The following BTBD9 variants were observed in gnomAD, a reference collection of about 807,000 sequenced individuals.
BTBD9 encodes BTB domain containing 9, also known as BTB/POZ domain-containing protein 9.
Under a neutral mutation model 64.3 loss-of-function variants are expected in BTBD9, and 49 were observed. That is an observed-to-expected ratio of 0.76 (90% confidence interval 0.61 to 0.97). BTBD9 has a LOEUF of 0.97. BTBD9 is among the 50% of genes least tolerant of loss of function. The pLI is 0.00. For missense variants in BTBD9, 598 were observed against 762.1 expected, an observed-to-expected ratio of 0.78 and a Z score of 2.53; for synonymous variants, 260 against 274.7, an observed-to-expected ratio of 0.95 and a Z score of 0.53.
intron 10 of BTBD9, among the ~76,000 whole-genome samples, chr6:38,177,089 C>G (rs978016586): frequency 1.3e-5 from 2 of 152,196 alleles, no homozygotes; most frequent in African/African-American, 4.8e-5. Context: ...CCTGCTGACA[C>G]AGGAGCTCTT....
At chr6:38,214,752 T>C (rs1582062166) in intron 9 of BTBD9, among the ~76,000 whole-genome samples, 2 of 152,208 alleles carry the variant, frequency 1.3e-5, no homozygotes, top group Non-Finnish European at 2.9e-5. Flanking sequence ...GCTTTGAATT[T>C]TGTTCATGCC....
chr6:38,462,429 T>G (rs181709525), intron 6 of BTBD9, among the ~76,000 whole-genome samples: 9 of 152,380 alleles, frequency 5.9e-5, no homozygotes, highest in Admixed American at 4.6e-4. Context: ...GAATTGCCTT[T>G]GCACCTTTGT....
intron 6 of BTBD9, chr6:38,504,551 A>G: frequency 2.2e-6 from 1 of 456,802 alleles, no homozygotes; most frequent in Non-Finnish European, 4.4e-6. Context: ...TGTATCATAG[A>G]TCTCTCATAA....
At chr6:38,190,536 G>A (rs1293065086) in intron 10 of BTBD9, among the ~76,000 whole-genome samples, 1 of 147,940 alleles carries the variant, frequency 6.8e-6, no homozygotes, top group South Asian at 2.1e-4. Context: ...TTTTTCCCCT[G>A]ATCAATAACT....
At position 38,192,502 on chromosome 6, in the gene BTBD9, T is replaced by C; in HGVS notation, c.1641+17A>G. 6.2e-7 allele frequency: 1 copy of C among 1,608,372 alleles called. No homozygotes were observed. The highest frequency in any genetic ancestry group is 8.5e-7 in the Non-Finnish European group (1 of 1,175,270). ...TCATGAAATCTCATGGCACCTCTCATGAAAAGAGACCCTTACCTCATTTGC... is the reference window on the plus strand; with the variant it reads ...TCATGAAATCTCATGGCACCTCTCACGAAAAGAGACCCTTACCTCATTTGC... On this transcript the variant is annotated intron_variant, in intron 10 of 10. Transcript: ENST00000481247.
At chr6:38,352,140 G>T (rs1764541071) in intron 6 of BTBD9, among the ~76,000 whole-genome samples, 1 of 152,048 alleles carries the variant, frequency 6.6e-6, no homozygotes, top group South Asian at 2.1e-4. Context: ...ACTTCAGGAG[G>T]CCAAGGTGGG....
At chr6:38,327,055 C>T (rs1362510492) in intron 7 of BTBD9, among the ~76,000 whole-genome samples, 1 of 152,176 alleles carries the variant, frequency 6.6e-6, no homozygotes, top group Non-Finnish European at 1.5e-5. Context: ...CCTGTCATTA[C>T]AGGGGCAGAA....
At chr6:38,405,763 GAAAGCAGCCAT>G (rs1284451011) in intron 6 of BTBD9, among the ~76,000 whole-genome samples, 1 of 152,140 alleles carries the variant, frequency 6.6e-6, no homozygotes, top group Non-Finnish European at 1.5e-5. Flanking sequence ...ATGGACTCAG[GAAAGCAGCCAT>G]AAAGCCTATT....
At chr6:38,328,580 T>A (rs988731365) in intron 7 of BTBD9, among the ~76,000 whole-genome samples, 1 of 149,106 alleles carries the variant, frequency 6.7e-6, no homozygotes, top group African/African-American at 2.5e-5. Context: ...TGTGTGTGTG[T>A]GTGTGTGTGT....
chr6:38,206,004 G>A (rs1484761833), intron 9 of BTBD9, among the ~76,000 whole-genome samples: 3 of 151,870 alleles, frequency 2.0e-5, no homozygotes, highest in East Asian at 1.9e-4. Context: ...GATGAGAGCC[G>A]TAAAACAGGC....
intron 6 of BTBD9, among the ~76,000 whole-genome samples, chr6:38,572,537 G>T (rs1775818918): frequency 6.6e-6 from 1 of 152,062 alleles, no homozygotes; most frequent in Non-Finnish European, 1.5e-5. Flanking sequence ...AGAAGAAAAA[G>T]GAGGGAAGTG....
intron 6 of BTBD9, among the ~76,000 whole-genome samples, chr6:38,539,204 T>C (rs1304195722): frequency 1.3e-5 from 2 of 152,130 alleles, no homozygotes; most frequent in Non-Finnish European, 2.9e-5. Flanking sequence ...AGCACTGGGA[T>C]TACAGGCATG....
rs1446930225 is a variant in BTBD9 at position 38,592,637 on chromosome 6, C to G, written c.753G>C (p.Leu251=). The change falls in exon 4 of 11, where the codon CTG becomes CTC. Residue 251 remains leucine (L), a synonymous_variant. Transcript: ENST00000481247. ...PSGLLSPDAI[L]DAIKVRSESR... is the part of the protein sequence containing the mutation. ...TCTCAGATCGCACTTTAATGGCATC[C>G]AGGATGGCATCAGGAGACAGCAGTC... 4.3e-6 allele frequency: 7 copies of G among 1,614,018 alleles called. No individual in the cohort carries two copies. The highest frequency in any genetic ancestry group is 5.1e-6 in the Non-Finnish European group (6 of 1,180,006).
chr6:38,501,223 C>A (rs1359028853), intron 6 of BTBD9, among the ~76,000 whole-genome samples: 1 of 152,080 alleles, frequency 6.6e-6, no homozygotes, highest in Non-Finnish European at 1.5e-5. Flanking sequence ...TATCCCTGAT[C>A]CAAGCATCCA....
intron 6 of BTBD9, among the ~76,000 whole-genome samples, chr6:38,354,464 C>T (rs1764640391): frequency 6.6e-6 from 1 of 152,120 alleles, no homozygotes; most frequent in East Asian, 1.9e-4. Context: ...GGTTCAGCTT[C>T]AGGCTAGAGA....
intron 6 of BTBD9, among the ~76,000 whole-genome samples, chr6:38,372,419 G>A (rs868640284): frequency 6.6e-6 from 1 of 151,946 alleles, no homozygotes; most frequent in Non-Finnish European, 1.5e-5. Flanking sequence ...GGTTGGTATG[G>A]ACTGACATAA....
chr6:38,188,895 C>T (rs1056595722), intron 10 of BTBD9, among the ~76,000 whole-genome samples: 1 of 152,192 alleles, frequency 6.6e-6, no homozygotes, highest in Admixed American at 6.5e-5. Flanking sequence ...GAGGACAGAA[C>T]CCAGAAGACG....
At chr6:38,428,347 T>C (rs1224352923) in intron 6 of BTBD9, among the ~76,000 whole-genome samples, 1 of 112,868 alleles carries the variant, frequency 8.9e-6, no homozygotes, top group African/African-American at 2.9e-5. Context: ...AAAACCTTTG[T>C]ACACAACTCT....
At position 38,218,319 on chromosome 6, in the gene BTBD9, A is replaced by G. The variant is rs1285734108; in HGVS notation, c.1563-25722T>C. Among the ~76,000 whole-genome samples the G allele has an allele frequency of 2.0e-5, 3 of 152,196 alleles. No individual in the cohort carries two copies. In the East Asian group the frequency reaches 5.8e-4, roughly 29 times the overall value. ...TTTGTACTAAAGCAGATTGCGGACAACTTTGGCCCTAATTCCTGTTCTACC... is the reference window on the plus strand; with the variant it reads ...TTTGTACTAAAGCAGATTGCGGACAGCTTTGGCCCTAATTCCTGTTCTACC... On this transcript the variant is annotated intron_variant, in intron 9 of 10. Coordinates refer to ENST00000481247, the MANE Select transcript of BTBD9 (RefSeq NM_001099272.2).
Sources: gnomAD v4.1 joint callset for allele counts (sites outside exome capture counted in the v4.1 genomes callset) on GRCh38, gnomAD v4.1.1 for gene constraint, MANE v1.5 for transcripts, NCBI Gene and HGNC (gene_info 2026-07-23, HGNC 2026-07-21) for gene names.